The following AASS variants were observed in gnomAD, a reference collection of about 807,000 sequenced individuals.
AASS encodes alpha-aminoadipic semialdehyde synthase, mitochondrial.
Under a neutral mutation model 105.4 loss-of-function variants are expected in AASS, and 86 were observed. That is an observed-to-expected ratio of 0.82 (90% CI 0.69 to 0.98). The LOEUF (loss-of-function observed/expected upper bound fraction) is 0.98, where lower values mean the gene tolerates loss of function less well. AASS is among the 50% of genes least tolerant of loss of function. The probability of loss-of-function intolerance (pLI) is 0.00; values close to 1 mark genes in which losing one functional copy is unlikely to be tolerated. For missense variants in AASS, 1,048 were observed against 1,143.2 expected (o/e 0.92, Z 1.20); for synonymous variants, 381 against 394.8 (o/e 0.96, Z 0.41).
At chr7:122,111,386 T>C (rs1337289547) in intron 11 of AASS, among the ~76,000 whole-genome samples, 1 of 152,150 alleles carries the variant, frequency 6.6e-6, no homozygotes, top group Non-Finnish European at 1.5e-5. Flanking sequence ...CATTTTCAGA[T>C]AAAGGACAAC....
chr7:122,118,694 C>T (rs1584877135), intron 4 of AASS, 64 bp from the exon 5 acceptor site: 1 of 1,518,272 alleles, frequency 6.6e-7, no homozygotes, highest in Middle Eastern at 2.3e-4. Context: ...GTTCTCTCTG[C>T]TCGTTCTCCA....
intron 1 of AASS, among the ~76,000 whole-genome samples, chr7:122,134,190 C>G (rs1411313116): frequency 3.9e-5 from 6 of 152,120 alleles, no homozygotes; most frequent in African/African-American, 1.4e-4. Context: ...AACCTCTTTC[C>G]AGTTCATCTC....
chr7:122,084,894 G>A (rs1312503897), intron 19 of AASS, among the ~76,000 whole-genome samples: 2 of 152,016 alleles, frequency 1.3e-5, no homozygotes, highest in Non-Finnish European at 1.5e-5. Context: ...TTGCAGTCAG[G>A]TCTCTGATCC....
rs533912158 is a variant in AASS, at chr7:122,073,898, C to T, written c.*2591G>A. Among the ~76,000 whole-genome samples the T allele has an allele frequency of 3.0e-4, 45 of 152,244 alleles. No individual in the cohort carries two copies. The highest frequency in any genetic ancestry group is 8.7e-4 in the African/African-American group (36 of 41,554). On this transcript the variant is annotated 3_prime_UTR_variant, in exon 24 of 24. Coordinates refer to ENST00000417368, the MANE Select transcript of AASS (RefSeq NM_005763.4). ...TTCAAGGTTTTTCCATGTTGTGGTG[C>T]ATATCAGTACTTCATCTCTTTTTTT...
chr7:122,133,918 A>C, intron 1 of AASS, 177 bp from the exon 2 acceptor site: 1 of 633,506 alleles, frequency 1.6e-6, no homozygotes, highest in Non-Finnish European at 2.7e-6. Flanking sequence ...CAAGTTTTCA[A>C]AAACAAGATT....
chr7:122,088,339 A>G (rs1022641352), intron 18 of AASS, among the ~76,000 whole-genome samples: 10 of 151,920 alleles, frequency 6.6e-5, no homozygotes, highest in Non-Finnish European at 1.2e-4. Flanking sequence ...ATATACAATC[A>G]TTTTTTCAGG....
At position 122,073,729 on chromosome 7, in the gene AASS, C is replaced by T. The variant is rs1202913709; in HGVS notation, c.*2760G>A. 6.6e-6 allele frequency among the ~76,000 whole-genome samples: 1 copy of T among 152,064 alleles called. No homozygotes were observed. The highest frequency in any genetic ancestry group is 6.6e-5 in the Admixed American group (1 of 15,262). ...AAACCCCATACTAATTAGCAGTCAC[C>T]CCTTTGTCCTCCCCAACCCTTCAGC... On this transcript the variant is annotated 3_prime_UTR_variant, in exon 24 of 24. Transcript: ENST00000417368.
rs1584893724 is a variant in AASS, at chr7:122,129,537, C to A, written c.211G>T (p.Asp71Tyr). The A allele has an allele frequency of 1.2e-6, 2 of 1,612,446 alleles. No homozygotes were observed. Among genetic ancestry groups the A allele is most frequent in the East Asian group, 2.2e-5 (1 of 44,736 alleles). The change falls in exon 3 of 24, where the codon GAC becomes TAC. Residue 71 changes from aspartate to tyrosine, a missense_variant and splice_region_variant. Transcript: ENST00000417368. ...PSNRRAIHDKDYVKAGGILQE... is the reference protein window; with the variant it reads ...PSNRRAIHDKYYVKAGGILQE... ...AGAATGCCACCAGCTTTGACATAGT[C>A]CTGAAATTGTAATTATGATTAAAGG...
chr7:122,081,531 G>A lies in AASS; in HGVS notation c.2249C>T (p.Ala750Val), dbSNP rs1793322001. ...GAGAGGGTTGGCCTCAGGTCTAAAGGCAGGAAGCGCTTCTCTGTTTATAAG... is the reference window on the plus strand; with the variant it reads ...GAGAGGGTTGGCCTCAGGTCTAAAGACAGGAAGCGCTTCTCTGTTTATAAG... ...LGLINREALPAFRPEANPLTW... is the reference protein window; with the variant it reads ...LGLINREALPVFRPEANPLTW... Residue 750 changes from alanine (A) to valine (V), a missense_variant, in exon 20 of 24, where the codon GCC (alanine) becomes GTC (valine). By Grantham distance (64) the Ala-to-Val change is moderately conservative. Transcript: ENST00000417368. 14 of 1,613,890 alleles carry A rather than the reference G, an allele frequency of 8.7e-6. No individual in the cohort carries two copies. The highest frequency in any genetic ancestry group is 1.2e-5 in the Non-Finnish European group (14 of 1,179,810).
At chr7:122,104,113 A>G (rs897598821) in intron 11 of AASS, among the ~76,000 whole-genome samples, 3 of 152,140 alleles carry the variant, frequency 2.0e-5, no homozygotes, top group Non-Finnish European at 4.4e-5. Flanking sequence ...TGGCATATCA[A>G]TAATTACTCT....
intron 1 of AASS, among the ~76,000 whole-genome samples, chr7:122,139,326 C>G (rs1298136725): frequency 1.3e-5 from 2 of 152,150 alleles, no homozygotes; most frequent in Non-Finnish European, 2.9e-5. Context: ...AATCCAATCC[C>G]TGCCCATGTT....
chr7:122,121,718 T>G (rs1170117237), intron 4 of AASS, among the ~76,000 whole-genome samples: 1 of 152,172 alleles, frequency 6.6e-6, no homozygotes, highest in Non-Finnish European at 1.5e-5. Context: ...TTTTTTATGT[T>G]TGTTTACATT....
intron 17 of AASS, 74 bp from the exon 18 acceptor site, chr7:122,091,917 A>G (rs566651704): frequency 9.3e-7 from 1 of 1,070,868 alleles, no homozygotes; most frequent in East Asian, 2.5e-5. Context: ...ATTGAAGACA[A>G]TGATATGAAT....
chr7:122,098,396 T>G, intron 15 of AASS, 54 bp downstream of exon 15: 1 of 1,602,678 alleles, frequency 6.2e-7, no homozygotes, highest in Non-Finnish European at 8.5e-7. Flanking sequence ...GAAAGAAAAA[T>G]GAGAAAAGAA....
chr7:122,134,772 T>TA (rs1554400572), intron 1 of AASS, among the ~76,000 whole-genome samples: 1 of 152,140 alleles, frequency 6.6e-6, no homozygotes, highest in Non-Finnish European at 1.5e-5. Flanking sequence ...ATCTCATTAC[T>TA]GGTATATACC....
In AASS at chr7:122,076,366, C is replaced by T; in HGVS notation, c.*123G>A. The T allele has an allele frequency of 1.3e-6, 1 of 752,452 alleles. No homozygotes were observed. Among genetic ancestry groups the T allele is most frequent in the Non-Finnish European group, 2.4e-6 (1 of 421,762 alleles). The allele number at this position is 752,452 out of a possible 1,614,324, so 46.6% of individuals were successfully genotyped here. On this transcript the variant is annotated 3_prime_UTR_variant, in exon 24 of 24. Transcript: ENST00000417368. ...ATAAAGATTTATAGTTCAAAAAGTA[C>T]ATTGTGTTAACCAAAACATATTATG...
chr7:122,082,907 T>A, intron 19 of AASS: 1 of 1,242,152 alleles, frequency 8.1e-7, no homozygotes, highest in Non-Finnish European at 1.1e-6. Context: ...AGAGAACAAA[T>A]GGCTGGATAA....
chr7:122,090,385 G>T (rs570262333), intron 18 of AASS, among the ~76,000 whole-genome samples: 3 of 152,082 alleles, frequency 2.0e-5, no homozygotes, highest in African/African-American at 7.2e-5. Flanking sequence ...AATCTTTGGG[G>T]ATGAGGCGCT....
At chr7:122,143,709 T>A (rs1194029677) in intron 1 of AASS, among the ~76,000 whole-genome samples, 1 of 151,570 alleles carries the variant, frequency 6.6e-6, no homozygotes, top group Non-Finnish European at 1.5e-5. Context: ...GAAATCTCCA[T>A]CCACCGCCCC....
Sources: gnomAD v4.1 joint callset for allele counts (sites outside exome capture counted in the v4.1 genomes callset) on GRCh38, gnomAD v4.1.1 for gene constraint, MANE v1.5 for transcripts, NCBI Gene and HGNC (gene_info 2026-07-23, HGNC 2026-07-21) for gene names.